Variants in BCO2 observed in about 807,000 individuals in gnomAD.
BCO2 encodes the protein beta-carotene oxygenase 2, also known as carotenoid-cleaving dioxygenase, mitochondrial.
BCO2 carries 56 observed loss-of-function variants against 65.8 expected under a neutral mutation model. The observed-to-expected ratio is 0.85, with a 90% CI of 0.69 to 1.06. BCO2 has a LOEUF of 1.06. Ranked by LOEUF, BCO2 falls within the 50% of genes least tolerant of loss-of-function variation. The pLI, the probability that BCO2 is intolerant of heterozygous loss-of-function variation, is 0.00. For missense variants in BCO2, 675 were observed against 698.5 expected (o/e 0.97, Z 0.38); for synonymous variants, 233 against 242.3 (o/e 0.96, Z 0.36).
chr11:112,186,757 C>T (rs1415083189), intron 2 of BCO2, among the ~76,000 whole-genome samples: 3 of 152,056 alleles, frequency 2.0e-5, no homozygotes, highest in African/African-American at 7.2e-5. Flanking sequence ...TTTGGGAGGC[C>T]AAGGCAGGAG....
chr11:112,204,712 G>A (rs963937944), intron 8 of BCO2, among the ~76,000 whole-genome samples: 7 of 152,032 alleles, frequency 4.6e-5, no homozygotes, highest in Non-Finnish European at 7.4e-5. Flanking sequence ...TGCTCTTGTT[G>A]CCCAGACTGG....
chr11:112,203,123 A>G (rs755226760), intron 8 of BCO2, among the ~76,000 whole-genome samples: 1 of 152,026 alleles, frequency 6.6e-6, no homozygotes, highest in Non-Finnish European at 1.5e-5. Flanking sequence ...AGTTTGCTAG[A>G]AGGAATAGCA....
intron 8 of BCO2, among the ~76,000 whole-genome samples, chr11:112,205,752 C>T (rs926179414): frequency 6.6e-6 from 1 of 152,158 alleles, no homozygotes; most frequent in African/African-American, 2.4e-5. Context: ...TGGCACCACA[C>T]TCAGCTAATA....
intron 8 of BCO2, among the ~76,000 whole-genome samples, chr11:112,212,490 A>T (rs1162620573): frequency 6.6e-6 from 1 of 152,090 alleles, no homozygotes; most frequent in Non-Finnish European, 1.5e-5. Context: ...TTTTAAAAAG[A>T]CTCTATATAG....
At position 112,218,464 on chromosome 11, in the gene BCO2, G is replaced by A. The variant is rs1859750707; in HGVS notation, c.*590G>A. On this transcript the variant is annotated 3_prime_UTR_variant, in exon 12 of 12. Coordinates refer to ENST00000357685, the MANE Select transcript of BCO2 (RefSeq NM_031938.7). ...TGCCAAAGCGTTAGACAAGCACCAA[G>A]CCCACTTTTGTCTGCCTGCACCCAA... The A allele has an allele frequency of 4.0e-6, 1 of 247,244 alleles. No individual in the cohort carries two copies. The highest frequency in any genetic ancestry group is 8.5e-6 in the Non-Finnish European group (1 of 117,530). The allele number at this position is 247,244 out of a possible 1,614,324, so 15.3% of individuals were successfully genotyped here. A position where few individuals can be genotyped will look rare whatever the true frequency, so the allele number is the denominator to read the frequency against.
At chr11:112,185,594 C>T (rs888144868) in intron 2 of BCO2, among the ~76,000 whole-genome samples, 14 of 152,264 alleles carry the variant, frequency 9.2e-5, no homozygotes, top group Middle Eastern at 3.4e-3. Context: ...GCTATTTCTA[C>T]GGATTTGTTT....
intron 2 of BCO2, among the ~76,000 whole-genome samples, chr11:112,189,404 A>AGTTTTT (rs1566774989): frequency 1.3e-5 from 1 of 79,456 alleles, no homozygotes; most frequent in Non-Finnish European, 2.7e-5. Flanking sequence ...AGAAAAGGAA[A>AGTTTTT]TTTTTTTTTT....
chr11:112,192,677 C>CTTTTTTTT (rs71463410), intron 2 of BCO2, among the ~76,000 whole-genome samples: 2 of 124,796 alleles, frequency 1.6e-5, no homozygotes, highest in Non-Finnish European at 1.7e-5. Context: ...TTCTTTCTTT[C>CTTTTTTTT]TTTTTTTTTT....
intron 7 of BCO2, among the ~76,000 whole-genome samples, chr11:112,201,159 T>A (rs1867720934): frequency 1.1e-5 from 1 of 90,364 alleles, no homozygotes; most frequent in Non-Finnish European, 2.6e-5. Flanking sequence ...TTTTTGAGAT[T>A]TTTTTTTTAG....
In BCO2 at chr11:112,193,676, GAGCTGCCTGGTAA is replaced by G; in HGVS notation, c.503_515del (p.Pro168GlnfsTer3). 6.2e-7 allele frequency: 1 copy of G among 1,613,862 alleles called. No individual in the cohort carries two copies. The highest frequency in any genetic ancestry group is 1.7e-5 in the Admixed American group (1 of 59,996). On this transcript the variant is annotated frameshift_variant, in exon 3 of 12. Transcript: ENST00000357685. LOFTEE classifies it high-confidence loss of function. ...TTTTGAACGTTTCATGTCCAGGTTT[GAGCTGCCTGGTAA>G]AGCTGCAGGTGATAGTGATGATTAT...
chr11:112,181,849 C>T (rs1867059999), intron 2 of BCO2: 9 of 962,164 alleles, frequency 9.4e-6, no homozygotes, highest in Non-Finnish European at 1.5e-5. Flanking sequence ...CTTTGCTGTT[C>T]AAATCTTGAA....
chr11:112,200,756 G>A lies in BCO2; in HGVS notation c.1009G>A (p.Glu337Lys). Residue 337 changes from glutamate (E) to lysine (K), a missense_variant, in exon 7 of 12, where the codon GAA (glutamate) becomes AAA (lysine). Transcript: ENST00000357685. Reference protein sequence around the residue: ...PQCNTRFHVVEKRTGQLLPGR... With the variant: ...PQCNTRFHVVKKRTGQLLPGR... ...GTGTAATACGCGGTTTCATGTGGTG[G>A]AAAAACGCACTGGACAGGTGGAGTA... The A allele has an allele frequency of 1.2e-6, 2 of 1,613,462 alleles. No homozygotes were observed. Among genetic ancestry groups the A allele is most frequent in the Non-Finnish European group, 1.7e-6 (2 of 1,179,840 alleles).
chr11:112,177,556 A>G (rs1406314189), intron 1 of BCO2, among the ~76,000 whole-genome samples: 2 of 152,246 alleles, frequency 1.3e-5, no homozygotes, highest in Non-Finnish European at 2.9e-5. Context: ...TGAATAAAAT[A>G]AAGGAGATAT....
intron 10 of BCO2, 60 bp downstream of exon 10, chr11:112,215,004 GTTTGT>G: frequency 1.3e-6 from 2 of 1,519,064 alleles, no homozygotes; most frequent in Non-Finnish European, 1.8e-6. Flanking sequence ...CTTTGAATTA[GTTTGT>G]TTTATTTAAA....
intron 8 of BCO2, among the ~76,000 whole-genome samples, chr11:112,213,131 CTTTTTTTTTTTTTTTTTT>C (rs35527541): frequency 3.2e-5 from 2 of 63,066 alleles, no homozygotes; most frequent in Non-Finnish European, 2.6e-5. Flanking sequence ...AATTAAATAA[CTTTTTTTTTTTTTTTTTT>C]TTTTTTTTTT....
intron 2 of BCO2, among the ~76,000 whole-genome samples, chr11:112,184,378 G>A (rs7121458): frequency 0.39 from 58,423 of 151,356 alleles, 11,677 homozygotes; most frequent in South Asian, 0.6. Context: ...TCAGCCTCCC[G>A]AGTAGCTGGG....
intron 10 of BCO2, chr11:112,215,438 T>C (rs181446160): frequency 6.6e-4 from 107 of 162,290 alleles, no homozygotes; most frequent in African/African-American, 2.0e-3. Context: ...AGGCTGGGTG[T>C]GGTGGCTCAC....
At chr11:112,189,474 C>G (rs61899686) in intron 2 of BCO2, among the ~76,000 whole-genome samples, 2 of 148,902 alleles carry the variant, frequency 1.3e-5, no homozygotes, top group Non-Finnish European at 3.0e-5. Context: ...GGCACGATCT[C>G]GGCTCACTGC....
Position 112,213,833 on chromosome 11 carries a change from C to G in BCO2, c.1304C>G (p.Ala435Gly). 1.3e-6 allele frequency: 2 copies of G among 1,589,376 alleles called. No individual in the cohort carries two copies. The highest frequency in any genetic ancestry group is 8.6e-7 in the Non-Finnish European group (1 of 1,168,180). Reference sequence around the variant, plus strand: ...CTGAGTCCATTGTCCTATACTTCAGCCAGTGCTGTGAAACAGGCTGATGGA... The same window carrying G: ...CTGAGTCCATTGTCCTATACTTCAGGCAGTGCTGTGAAACAGGCTGATGGA... The part of the protein sequence containing the change: ...DNLSPLSYTS[A>G]SAVKQADGTI... Residue 435 changes from alanine to glycine, a missense_variant, in exon 9 of 12, where the codon GCC (alanine) becomes GGC (glycine). Physicochemically the swap from Ala to Gly is moderately conservative, Grantham distance 60. Transcript: ENST00000357685.
Sources: gnomAD v4.1 joint callset for allele counts (sites outside exome capture counted in the v4.1 genomes callset) on GRCh38, gnomAD v4.1.1 for gene constraint, MANE v1.5 for transcripts, NCBI Gene and HGNC (gene_info 2026-07-23, HGNC 2026-07-21) for gene names.